SETBP1: variants seen among roughly 807,000 people sequenced by gnomAD.
The protein encoded by SETBP1 is SET-binding protein.
Under a neutral mutation model 101.0 loss-of-function variants are expected in SETBP1, and 9 were observed. The ratio of observed to expected loss-of-function variants is 0.09; its 90% CI spans 0.05 to 0.16. The LOEUF (loss-of-function observed/expected upper bound fraction) is 0.16. SETBP1 is among the 10% of genes least tolerant of loss of function. The probability of loss-of-function intolerance (pLI) is 1.00; values close to 1 mark genes in which losing one functional copy is unlikely to be tolerated. For synonymous variants in SETBP1, 818 were observed against 788.5 expected (o/e 1.04, Z -0.63); for missense variants, 1,858 against 2,033.8 (o/e 0.91, Z 1.66).
chr18:44,699,028 A>G (rs978442969), intron 1 of SETBP1, among the ~76,000 whole-genome samples: 2 of 152,136 alleles, frequency 1.3e-5, no homozygotes, highest in South Asian at 4.1e-4. Context: ...AAGCCCATCA[A>G]TTCATCTAAA....
intron 3 of SETBP1, among the ~76,000 whole-genome samples, chr18:44,948,174 T>C (rs1233740779): frequency 6.6e-6 from 1 of 152,214 alleles, no homozygotes; most frequent in Admixed American, 6.5e-5. Flanking sequence ...AGTTGCAAGA[T>C]GAATTAAAAA....
chr18:44,938,846 G>A (rs191199401), intron 3 of SETBP1, among the ~76,000 whole-genome samples: 70 of 152,302 alleles, frequency 4.6e-4, no homozygotes, highest in Non-Finnish European at 8.8e-4. Context: ...TCTGCACAGA[G>A]GGGAGAGTGA....
chr18:44,736,851 A>G (rs1599052721), intron 2 of SETBP1, among the ~76,000 whole-genome samples: 1 of 152,286 alleles, frequency 6.6e-6, no homozygotes, highest in South Asian at 2.1e-4. Flanking sequence ...AGGGAGTTTT[A>G]TCTGGAAGTG....
chr18:44,858,626 C>T (rs772414050), intron 2 of SETBP1, among the ~76,000 whole-genome samples: 15 of 152,146 alleles, frequency 9.9e-5, no homozygotes, highest in Non-Finnish European at 7.4e-5. Flanking sequence ...GAAGAGCTTG[C>T]TTTTCACCTC....
Position 44,950,453 on chromosome 18 carries a change from T to C in SETBP1, c.1113T>C (p.Gly371=), listed in dbSNP as rs2071316028. ...ACAATACAGAAGGGAAAAGGGAAGG[T>C]TATTCCGCAGATAGTGCCCAAGAGG... is the stretch of plus-strand genomic sequence containing the variant. ...AFDNTEGKRE[G]YSADSAQEAS... The change falls in exon 4 of 6, where the codon GGT becomes GGC. Residue 371 remains glycine (G), a synonymous_variant. Transcript: ENST00000649279. 6.2e-7 allele frequency: 1 copy of C among 1,613,884 alleles called. No individual in the cohort carries two copies. The highest frequency in any genetic ancestry group is 1.3e-5 in the African/African-American group (1 of 74,894).
chr18:44,806,623 C>CTTTTTTTTTTTTTTT (rs71177656), intron 2 of SETBP1, among the ~76,000 whole-genome samples: 2 of 27,828 alleles, frequency 7.2e-5, no homozygotes, highest in Non-Finnish European at 1.5e-4. Flanking sequence ...TAATGAGCTC[C>CTTTTTTTTTTTTTTT]TTTTTTTTTT....
chr18:45,003,108 T>C (rs563411617), intron 4 of SETBP1, among the ~76,000 whole-genome samples: 4 of 152,356 alleles, frequency 2.6e-5, no homozygotes, highest in Admixed American at 1.3e-4. Flanking sequence ...CTTTGGAATA[T>C]TTCTGAAATT....
chr18:44,860,454 C>A (rs968136321), intron 2 of SETBP1, among the ~76,000 whole-genome samples: 4 of 152,178 alleles, frequency 2.6e-5, no homozygotes, highest in African/African-American at 9.7e-5. Flanking sequence ...AGGCATACTG[C>A]CTGCAAGATT....
chr18:44,830,354 C>CT, intron 2 of SETBP1, among the ~76,000 whole-genome samples: 1 of 152,158 alleles, frequency 6.6e-6, no homozygotes, highest in East Asian at 1.9e-4. Context: ...AAACAGTGAC[C>CT]TTATGTAAGG....
intron 2 of SETBP1, among the ~76,000 whole-genome samples, chr18:44,775,447 T>C (rs1410485814): frequency 1.3e-5 from 2 of 152,222 alleles, no homozygotes; most frequent in Non-Finnish European, 2.9e-5. Flanking sequence ...TTTCTCTTTC[T>C]CACTGAGTTC....
intron 5 of SETBP1, among the ~76,000 whole-genome samples, chr18:45,040,258 G>A (rs2073482555): frequency 6.6e-6 from 1 of 152,120 alleles, no homozygotes; most frequent in Non-Finnish European, 1.5e-5. Context: ...AGGAGTACAA[G>A]AAGAAGACAA....
At chr18:44,682,062 T>G (rs2068768539) in intron 1 of SETBP1, among the ~76,000 whole-genome samples, 1 of 152,194 alleles carries the variant, frequency 6.6e-6, no homozygotes. Flanking sequence ...TTCTTTTCAT[T>G]CCTTCACTCT....
intron 3 of SETBP1, among the ~76,000 whole-genome samples, chr18:44,943,336 T>C (rs1257629873): frequency 6.6e-6 from 1 of 152,256 alleles, no homozygotes; most frequent in Non-Finnish European, 1.5e-5. Context: ...ACATTTTTCT[T>C]GCCCCATTCA....
chr18:44,782,215 C>T (rs559341839), intron 2 of SETBP1, among the ~76,000 whole-genome samples: 2 of 151,936 alleles, frequency 1.3e-5, no homozygotes, highest in South Asian at 2.1e-4. Flanking sequence ...TCTTTCTCCA[C>T]GTTAAGGAGA....
At chr18:45,058,924 T>C (rs1301207134) in intron 5 of SETBP1, among the ~76,000 whole-genome samples, 1 of 152,192 alleles carries the variant, frequency 6.6e-6, no homozygotes, top group African/African-American at 2.4e-5. Flanking sequence ...TCTAGGGAGA[T>C]GGTGGATGCA....
intron 2 of SETBP1, among the ~76,000 whole-genome samples, chr18:44,770,676 C>A (rs888907881): frequency 6.6e-6 from 1 of 152,184 alleles, no homozygotes; most frequent in Non-Finnish European, 1.5e-5. Flanking sequence ...AGCGCCATTC[C>A]TTTAAAAGTC....
intron 4 of SETBP1, among the ~76,000 whole-genome samples, chr18:45,014,920 G>A (rs1478404807): frequency 1.3e-5 from 2 of 152,152 alleles, no homozygotes; most frequent in Non-Finnish European, 2.9e-5. Flanking sequence ...TTGAAGTCTT[G>A]GCTATACCTA....
chr18:44,821,470 T>C (rs1435441006), intron 2 of SETBP1, among the ~76,000 whole-genome samples: 1 of 152,236 alleles, frequency 6.6e-6, no homozygotes, highest in Non-Finnish European at 1.5e-5. Context: ...AGAGACTTTC[T>C]AAACTTAAAT....
intron 4 of SETBP1, among the ~76,000 whole-genome samples, chr18:45,025,882 C>T (rs950996611): frequency 6.6e-5 from 10 of 152,176 alleles, no homozygotes; most frequent in South Asian, 2.1e-4. Flanking sequence ...GCTAATCTTT[C>T]GCAAGCCAGT....
Sources: gnomAD v4.1 joint callset for allele counts (sites outside exome capture counted in the v4.1 genomes callset) on GRCh38, gnomAD v4.1.1 for gene constraint, MANE v1.5 for transcripts, NCBI Gene and HGNC (gene_info 2026-07-23, HGNC 2026-07-21) for gene names.